The following TAS2R1 variants were observed in gnomAD, a reference collection of about 807,000 sequenced individuals.
TAS2R1 encodes taste 2 receptor member 1.
For missense variants in TAS2R1, 370 were observed against 353.4 expected (o/e 1.05, Z -0.38); for synonymous variants, 141 against 134.2 (o/e 1.05, Z -0.35).
the TAS2R1 span, among the ~76,000 whole-genome samples, chr5:9,776,510 G>A: frequency 6.6e-6 from 1 of 152,176 alleles, no homozygotes; most frequent in East Asian, 1.9e-4. Flanking sequence ...AGGATGATCA[G>A]TGGAGGCTTC....
intron 1 of TAS2R1, among the ~76,000 whole-genome samples, chr5:9,694,798 C>CA (rs1227327327): frequency 2.0e-5 from 3 of 152,220 alleles, no homozygotes; most frequent in Non-Finnish European, 4.4e-5. Flanking sequence ...CAATTTTGAT[C>CA]ATTAATATCC....
At chr5:9,652,154 A>G (rs1255235571) in intron 2 of TAS2R1, among the ~76,000 whole-genome samples, 1 of 152,210 alleles carries the variant, frequency 6.6e-6, no homozygotes, top group Non-Finnish European at 1.5e-5. Flanking sequence ...ATCTCTCTGC[A>G]TCCCATGAGA....
At chr5:9,647,851 A>C (rs900975778) in intron 2 of TAS2R1, among the ~76,000 whole-genome samples, 1 of 152,194 alleles carries the variant, frequency 6.6e-6, no homozygotes, top group African/African-American at 2.4e-5. Context: ...GCCTGGCATG[A>C]AACATCATTT....
At chr5:9,837,633 C>A in the TAS2R1 span, among the ~76,000 whole-genome samples, 69 of 152,322 alleles carry the variant, frequency 4.5e-4, no homozygotes, top group African/African-American at 1.6e-3. Flanking sequence ...AGACTTCTTG[C>A]CTCCTGCTTT....
At position 9,629,987 on chromosome 5, in the gene TAS2R1, G is replaced by T. The variant is rs760726632; in HGVS notation, c.46C>A (p.Gln16Lys). Residue 16 changes from glutamine (Q) to lysine (K), a missense_variant, in exon 1 of 1, where the codon CAA becomes AAA. Physicochemically the swap from Gln to Lys is moderately conservative, Grantham distance 53. Coordinates refer to ENST00000382492, the MANE Select transcript of TAS2R1 (RefSeq NM_019599.3). ...LIIYFLLAVI[Q>K]FLLGIFTNGI... is the part of the protein sequence containing the mutation. ...TTTGTGAAAATCCCAAGAAGAAATT[G>T]TATCACTGCAAGAAGAAAATAGATA... 8.8e-6 allele frequency: 14 copies of T among 1,596,654 alleles called. No homozygotes were observed. Among genetic ancestry groups the T allele is most frequent in the South Asian group, 5.7e-5 (5 of 87,652 alleles).
In TAS2R1 at chr5:9,703,851, C is replaced by T. The variant is rs559766401; in HGVS notation, c.-242+8321G>A. On this transcript the variant is annotated intron_variant, in intron 1 of 2. Transcript: ENST00000506620. ...TTATTCATAGTCTTCAAAGGTAAAG[C>T]ATAGCTGCTCTTTTAACTACTAGAC... Among the ~76,000 whole-genome samples, 5 of 152,262 alleles carry T rather than the reference C, an allele frequency of 3.3e-5. No individual in the cohort carries two copies. The Middle Eastern group carries it at 0.01, about 311-fold the overall frequency.
chr5:9,787,705 T>C, the TAS2R1 span, among the ~76,000 whole-genome samples: 1 of 152,190 alleles, frequency 6.6e-6, no homozygotes, highest in Non-Finnish European at 1.5e-5. Context: ...GGGCTACTCC[T>C]TTCCAGCAAC....
At chr5:9,644,818 A>C (rs1170062571) in intron 2 of TAS2R1, among the ~76,000 whole-genome samples, 2 of 152,234 alleles carry the variant, frequency 1.3e-5, no homozygotes, top group African/African-American at 4.8e-5. Context: ...TGCCCTGACG[A>C]GAGCAGAGTA....
At chr5:9,691,267 G>A (rs990947091) in intron 1 of TAS2R1, among the ~76,000 whole-genome samples, 28 of 152,356 alleles carry the variant, frequency 1.8e-4, no homozygotes, top group African/African-American at 6.3e-4. Flanking sequence ...AAGTGATGCA[G>A]CCTTGGGCCA....
the TAS2R1 span, among the ~76,000 whole-genome samples, chr5:9,769,061 C>T: frequency 6.6e-6 from 1 of 152,148 alleles, no homozygotes; most frequent in Non-Finnish European, 1.5e-5. Flanking sequence ...CTCCACTTCC[C>T]ACGCCCTCAT....
chr5:9,676,276 T>C (rs950330269), intron 1 of TAS2R1, among the ~76,000 whole-genome samples: 2 of 152,122 alleles, frequency 1.3e-5, no homozygotes, highest in African/African-American at 4.8e-5. Flanking sequence ...AAAAGAAAAC[T>C]ATATATGGAA....
chr5:9,789,440 A>G, the TAS2R1 span, among the ~76,000 whole-genome samples: 2 of 152,242 alleles, frequency 1.3e-5, no homozygotes, highest in Non-Finnish European at 2.9e-5. Flanking sequence ...ATAATTTGGC[A>G]TGTGAAACGG....
the TAS2R1 span, among the ~76,000 whole-genome samples, chr5:9,771,943 CAAA>C: frequency 2.0e-5 from 3 of 151,910 alleles, no homozygotes; most frequent in East Asian, 5.8e-4. Flanking sequence ...TTTATCTCTT[CAAA>C]AAACAACTTT....
the TAS2R1 span, among the ~76,000 whole-genome samples, chr5:9,732,816 C>G: frequency 4.6e-5 from 7 of 152,274 alleles, no homozygotes; most frequent in East Asian, 1.2e-3. Context: ...GGAAGTAGCT[C>G]ACATGATCAT....
At chr5:9,715,728 T>G (rs1414827300), upstream of TAS2R1, among the ~76,000 whole-genome samples, 1 of 152,226 alleles carries the variant, frequency 6.6e-6, no homozygotes, top group Non-Finnish European at 1.5e-5. Flanking sequence ...GATGGGAGAC[T>G]GAAGCTTTCC....
chr5:9,719,063 ATTAG>A, the TAS2R1 span, among the ~76,000 whole-genome samples: 2 of 152,234 alleles, frequency 1.3e-5, no homozygotes, highest in Non-Finnish European at 2.9e-5. Context: ...TGGGCAGTGG[ATTAG>A]TTAAAGGTAT....
At chr5:9,637,793 G>T (rs940611091) in intron 2 of TAS2R1, among the ~76,000 whole-genome samples, 10 of 151,954 alleles carry the variant, frequency 6.6e-5, no homozygotes, top group African/African-American at 2.4e-4. Context: ...GTGTTTTAAT[G>T]ATACATATTT....
chr5:9,897,152 A>G, the TAS2R1 span, among the ~76,000 whole-genome samples: 63 of 152,332 alleles, frequency 4.1e-4, 1 homozygote, highest in East Asian at 0.012. Context: ...AAACAAAACA[A>G]AATAACAGCT....
chr5:9,746,546 G>GAA, the TAS2R1 span, among the ~76,000 whole-genome samples: 1 of 152,154 alleles, frequency 6.6e-6, no homozygotes, highest in Non-Finnish European at 1.5e-5. Flanking sequence ...ACTGGATAAA[G>GAA]AAAATGTGGC....
Sources: gnomAD v4.1 joint callset for allele counts (sites outside exome capture counted in the v4.1 genomes callset) on GRCh38, gnomAD v4.1.1 for gene constraint, MANE v1.5 for transcripts, NCBI Gene and HGNC (gene_info 2026-07-23, HGNC 2026-07-21) for gene names.